The following MYH15 variants were observed in gnomAD, a reference collection of about 807,000 sequenced individuals.
MYH15 encodes myosin heavy chain 15.
MYH15 carries 227 observed loss-of-function variants against 240.5 expected under a neutral mutation model. The observed-to-expected ratio is 0.94, with a 90% CI of 0.85 to 1.05. MYH15 has a LOEUF of 1.05. Ranked by LOEUF, MYH15 falls within the 50% of genes least tolerant of loss-of-function variation. MYH15 has a pLI of 0.00. For synonymous variants in MYH15, 785 were observed against 796.7 expected (o/e 0.99, Z 0.25); for missense variants, 2,217 against 2,247.5 (o/e 0.99, Z 0.27).
rs2082441096 is a variant in MYH15 at position 108,394,096 on chromosome 3, C to T, written c.5194G>A (p.Glu1732Lys). 2 of 1,614,030 alleles carry T rather than the reference C, an allele frequency of 1.2e-6. No individual in the cohort carries two copies. Among genetic ancestry groups the T allele is most frequent in the Middle Eastern group, 1.6e-4 (1 of 6,078 alleles). ...LEADVARMQKEAEEVVQECQN... is the reference protein window; with the variant it reads ...LEADVARMQKKAEEVVQECQN... ...CACTCCTGCACCACCTCTTCAGCTT[C>T]TTTCTGCATCCGGGCAACATCAGCC... The change falls in exon 36 of 41, where the codon GAA (glutamate) becomes AAA (lysine). Residue 1732 changes from glutamate (E) to lysine (K), a missense_variant. By Grantham distance (56) the Glu-to-Lys change is moderately conservative (BLOSUM62 1). Coordinates refer to ENST00000693548, the MANE Select transcript of MYH15 (RefSeq NM_014981.3).
intron 14 of MYH15, among the ~76,000 whole-genome samples, chr3:108,465,965 C>T (rs1251786579): frequency 2.0e-5 from 3 of 152,058 alleles, no homozygotes; most frequent in African/African-American, 4.8e-5. Context: ...TACTGCAAAT[C>T]TCATGACCTC....
the MYH15 span, chr3:108,550,073 A>T: frequency 6.6e-6 from 1 of 152,032 alleles, no homozygotes; most frequent in Non-Finnish European, 1.5e-5. Flanking sequence ...TCAAACAGAC[A>T]TATGGTGAAG....
rs1474492597 is a variant in MYH15, at chr3:108,485,073, C to A, written c.1114+18G>T. 6.2e-7 allele frequency: 1 copy of A among 1,613,128 alleles called. No homozygotes were observed. On this transcript the variant is annotated intron_variant, in intron 11 of 40. Transcript: ENST00000693548. ...CAGAGATTTGAAGTATATACCATAT[C>A]TTCAAAGTAATTCTTACTTTCTGTG... is the stretch of plus-strand genomic sequence containing the variant.
chr3:108,535,787 T>C, the MYH15 span, among the ~76,000 whole-genome samples: 1 of 152,086 alleles, frequency 6.6e-6, no homozygotes, highest in African/African-American at 2.4e-5. Context: ...TTATAGTTAA[T>C]AAAACAGGCC....
chr3:108,438,382 A>G (rs1478508685), intron 24 of MYH15, among the ~76,000 whole-genome samples: 1 of 152,220 alleles, frequency 6.6e-6, no homozygotes, highest in African/African-American at 2.4e-5. Context: ...CCAGGAAGCT[A>G]GATAACAGTC....
In MYH15 at chr3:108,464,783, T is replaced by G; in HGVS notation, c.1586A>C (p.Glu529Ala). 1.2e-6 allele frequency: 2 copies of G among 1,611,460 alleles called. No individual in the cohort carries two copies. Among genetic ancestry groups the G allele is most frequent in the Non-Finnish European group, 1.7e-6 (2 of 1,179,156 alleles). ...GTCTGTAGCCTTAGGAAACATACAC[T>G]CTTCTTCAAGGATGGAAAGGATGCC... ...PMGILSILEE[E>A]CMFPKATDLT... The change falls in exon 15 of 41, where the codon GAG (glutamate) becomes GCG (alanine). Residue 529 changes from glutamate to alanine, a missense_variant. Transcript: ENST00000693548.
rs112643314 is a variant in MYH15, at chr3:108,456,020, C to A, written c.2139-161G>T. ...TTAGTAACAATAATGAGGGTACAAG[C>A]AATAATCCCTTGCATTGGTATAATA... On this transcript the variant is annotated intron_variant, in intron 19 of 40. Transcript: ENST00000693548. Among the ~76,000 whole-genome samples, 567 of 152,178 alleles carry A rather than the reference C, an allele frequency of 3.7e-3. 4 individuals are homozygous for A. The highest frequency in any genetic ancestry group is 0.013 in the African/African-American group (545 of 41,516).
At chr3:108,441,369 G>T in intron 22 of MYH15, 109 bp from the exon 23 acceptor site, 1 of 1,259,104 alleles carries the variant, frequency 7.9e-7, no homozygotes, top group Non-Finnish European at 1.1e-6. Context: ...CCTCTGCCCA[G>T]CACTTTCACC....
chr3:108,507,036 T>A (rs1413321039), intron 1 of MYH15, among the ~76,000 whole-genome samples: 1 of 151,390 alleles, frequency 6.6e-6, no homozygotes, highest in Non-Finnish European at 1.5e-5. Context: ...ATCTCAAAAA[T>A]AAAAAATAAA....
At chr3:108,539,511 A>C in the MYH15 span, among the ~76,000 whole-genome samples, 1 of 152,320 alleles carries the variant, frequency 6.6e-6, no homozygotes, top group East Asian at 1.9e-4. Flanking sequence ...TGATAAAGTA[A>C]TAGATCTAAT....
intron 28 of MYH15, among the ~76,000 whole-genome samples, chr3:108,417,534 A>C (rs1576220610): frequency 6.6e-6 from 1 of 152,210 alleles, no homozygotes; most frequent in Admixed American, 6.5e-5. Flanking sequence ...AATATATTTT[A>C]TAGACTGAAA....
Position 108,500,251 on chromosome 3 carries a change from C to A in MYH15, c.363G>T (p.Val121=). The part of the protein sequence containing the change: ...MIYTYSGLFC[V]TINPYKWLPV... The stretch of plus-strand genomic sequence containing the variant: ...GAAGCCATTTGTAAGGGTTTATGGT[C>A]ACACAGAAGAGACCTGAATATGTCT... The change falls in exon 4 of 41, where the codon GTG becomes GTT. Residue 121 remains valine (V), a synonymous_variant. Coordinates refer to ENST00000693548, the MANE Select transcript of MYH15 (RefSeq NM_014981.3). 1 of 1,613,584 alleles carries A rather than the reference C, an allele frequency of 6.2e-7. No homozygotes were observed. Among genetic ancestry groups the A allele is most frequent in the South Asian group, 1.1e-5 (1 of 91,010 alleles).
In MYH15 at chr3:108,452,718, C is replaced by T. The variant is rs377613789; in HGVS notation, c.2399+1288G>A. ...AAACATGGAATGAGAAACACAAACTCAGGATCTGAGAAGGAAAAGGTAAGA... is the reference window on the plus strand; with the variant it reads ...AAACATGGAATGAGAAACACAAACTTAGGATCTGAGAAGGAAAAGGTAAGA... On this transcript the variant is annotated intron_variant, in intron 21 of 40. Transcript: ENST00000693548. Among the ~76,000 whole-genome samples the T allele has an allele frequency of 1.2e-4, 19 of 152,064 alleles. No individual in the cohort carries two copies. The South Asian group carries it at 3.5e-3, about 28-fold the overall frequency.
chr3:108,401,355 T>C (rs996063572), intron 33 of MYH15, among the ~76,000 whole-genome samples: 1 of 145,676 alleles, frequency 6.9e-6, no homozygotes, highest in East Asian at 1.9e-4. Context: ...AAAGCACAGA[T>C]GAGGATGCAG....
intron 24 of MYH15, among the ~76,000 whole-genome samples, chr3:108,439,382 GTAAA>G (rs1473213131): frequency 6.6e-6 from 1 of 152,158 alleles, no homozygotes; most frequent in East Asian, 1.9e-4. Context: ...AACACTAGTG[GTAAA>G]TAGAGTACCA....
At chr3:108,399,002 T>C in intron 34 of MYH15, 73 bp downstream of exon 34, 1 of 1,514,552 alleles carries the variant, frequency 6.6e-7, no homozygotes, top group Non-Finnish European at 9.1e-7. Context: ...GAACACAATC[T>C]GTTGCTTAGT....
At chr3:108,497,132 G>C (rs2083397406) in intron 6 of MYH15, among the ~76,000 whole-genome samples, 1 of 136,446 alleles carries the variant, frequency 7.3e-6, no homozygotes, top group Non-Finnish European at 1.5e-5. Context: ...CTGCAGTCCG[G>C]CCTGGGCGAA....
intron 20 of MYH15, among the ~76,000 whole-genome samples, chr3:108,454,654 G>A (rs1292201169): frequency 6.6e-6 from 1 of 152,028 alleles, no homozygotes; most frequent in Admixed American, 6.6e-5. Flanking sequence ...CATGGCTCTT[G>A]GGCCATAGTT....
chr3:108,526,000 A>G (rs1012114668), intron 1 of MYH15, among the ~76,000 whole-genome samples: 8 of 151,950 alleles, frequency 5.3e-5, no homozygotes, highest in African/African-American at 1.9e-4. Flanking sequence ...AGTGATATGG[A>G]AAAAAAAGAA....
Sources: allele counts gnomAD v4.1 joint callset (sites outside exome capture counted in the v4.1 genomes callset), GRCh38; gene constraint gnomAD v4.1.1; transcripts MANE v1.5; gene names NCBI Gene and HGNC (gene_info 2026-07-23, HGNC 2026-07-21).